SLIT2: variants seen among roughly 807,000 people sequenced by gnomAD.
SLIT2 encodes the protein slit homolog 2 protein.
In SLIT2, 41 loss-of-function variants were observed where a neutral mutation model predicts 185.7. The ratio of observed to expected loss-of-function variants is 0.22; its 90% confidence interval spans 0.17 to 0.29. The LOEUF is 0.29. Among genes scored for constraint, SLIT2 ranks in the 10% least tolerant of loss-of-function variants. The probability of loss-of-function intolerance (pLI) is 1.00; values close to 1 mark genes in which losing one functional copy is unlikely to be tolerated. For synonymous variants in SLIT2, 693 were observed against 680.2 expected (o/e 1.02, Z -0.29); for missense variants, 1,571 against 1,909.0 (o/e 0.82, Z 3.30).
At chr4:20,506,100 C>T (rs74516845) in intron 9 of SLIT2, among the ~76,000 whole-genome samples, 3,020 of 152,036 alleles carry the variant, frequency 0.02, 50 homozygotes, top group East Asian at 0.074. Flanking sequence ...TATATGTAAA[C>T]ACACAAACAC....
chr4:20,472,398 A>C (rs1412939048), intron 5 of SLIT2, among the ~76,000 whole-genome samples: 1 of 54,352 alleles, frequency 1.8e-5, no homozygotes, highest in Non-Finnish European at 3.1e-5. Context: ...AGATATATAG[A>C]TATAGATATC....
At chr4:20,346,435 G>A (rs1711175709) in intron 4 of SLIT2, among the ~76,000 whole-genome samples, 1 of 152,102 alleles carries the variant, frequency 6.6e-6, no homozygotes, top group Admixed American at 6.6e-5. Context: ...ATAACACCTG[G>A]TTATGAACCA....
intron 4 of SLIT2, among the ~76,000 whole-genome samples, chr4:20,435,737 C>G (rs555351497): frequency 1.3e-5 from 2 of 152,104 alleles, no homozygotes; most frequent in African/African-American, 4.8e-5. Flanking sequence ...CTAGCTAGAT[C>G]AGAGCATTCC....
chr4:20,566,910 A>G (rs896089580), intron 26 of SLIT2, among the ~76,000 whole-genome samples: 1 of 152,028 alleles, frequency 6.6e-6, no homozygotes, highest in Admixed American at 6.6e-5. Flanking sequence ...AGGCATGTCC[A>G]TGAAGCAGGA....
At chr4:20,437,638 C>T (rs538499823) in intron 4 of SLIT2, among the ~76,000 whole-genome samples, 1 of 151,560 alleles carries the variant, frequency 6.6e-6, no homozygotes, top group East Asian at 2.0e-4. Flanking sequence ...ACAGGCCGAG[C>T]GTGGTGGCTC....
At chr4:20,366,610 A>G (rs748572848) in intron 4 of SLIT2, among the ~76,000 whole-genome samples, 4 of 152,070 alleles carry the variant, frequency 2.6e-5, no homozygotes, top group Non-Finnish European at 5.9e-5. Flanking sequence ...ACCTGTCATC[A>G]TTCATTGCAT....
chr4:20,448,350 G>A (rs191212092), intron 4 of SLIT2, among the ~76,000 whole-genome samples: 48 of 151,972 alleles, frequency 3.2e-4, no homozygotes, highest in African/African-American at 1.0e-3. Context: ...CACTCAGGCC[G>A]GAGTGCAGTG....
At chr4:20,524,608 G>A (rs1721125490) in intron 14 of SLIT2, among the ~76,000 whole-genome samples, 1 of 152,218 alleles carries the variant, frequency 6.6e-6, no homozygotes, top group Admixed American at 6.5e-5. Flanking sequence ...CAGAAGTACA[G>A]GGGCGCCAGG....
intron 4 of SLIT2, among the ~76,000 whole-genome samples, chr4:20,428,888 G>A (rs1728757064): frequency 6.6e-6 from 1 of 152,208 alleles, no homozygotes; most frequent in Non-Finnish European, 1.5e-5. Flanking sequence ...CTTTAGCCCT[G>A]GTCACTGCAG....
chr4:20,400,473 A>G (rs1261335404), intron 4 of SLIT2, among the ~76,000 whole-genome samples: 3 of 151,846 alleles, frequency 2.0e-5, no homozygotes, highest in African/African-American at 7.2e-5. Context: ...CACAAATGAG[A>G]TAGGAAATAT....
At chr4:20,511,593 T>TTTTTTTTTTTTTTTTTTTA in intron 11 of SLIT2, among the ~76,000 whole-genome samples, 1 of 134,310 alleles carries the variant, frequency 7.4e-6, no homozygotes, top group East Asian at 2.3e-4. Flanking sequence ...GCTAATTTTT[T>TTTTTTTTTTTTTTTTTTTA]TTTTTTTTTT....
chr4:20,563,116 G>A (rs1241434371), intron 26 of SLIT2, among the ~76,000 whole-genome samples: 5 of 151,710 alleles, frequency 3.3e-5, no homozygotes, highest in Non-Finnish European at 7.4e-5. Flanking sequence ...AACTGACAGA[G>A]ACAGATTGTT....
intron 29 of SLIT2, among the ~76,000 whole-genome samples, chr4:20,579,796 T>C (rs1303647155): frequency 1.3e-5 from 2 of 151,722 alleles, no homozygotes; most frequent in Non-Finnish European, 2.9e-5. Context: ...TTGTTAACTC[T>C]CATGGACCAT....
At chr4:20,496,066 A>G (rs1466258540) in intron 9 of SLIT2, among the ~76,000 whole-genome samples, 1 of 152,138 alleles carries the variant, frequency 6.6e-6, no homozygotes, top group African/African-American at 2.4e-5. Context: ...GAGATATTTC[A>G]TTCAATAATT....
chr4:20,426,783 A>G (rs1464348793), intron 4 of SLIT2, among the ~76,000 whole-genome samples: 3 of 152,172 alleles, frequency 2.0e-5, no homozygotes, highest in Non-Finnish European at 2.9e-5. Context: ...AAAAAATACA[A>G]TGATAAGTAG....
In SLIT2 at chr4:20,254,885, G is replaced by C. The variant is rs1560257135; in HGVS notation, c.179+891G>C. The C allele has an allele frequency of 6.6e-6, 3 of 455,782 alleles. No homozygotes were observed. In the Middle Eastern group the frequency reaches 9.8e-4, roughly 148 times the overall value. 28.2% of individuals were successfully genotyped at this position (455,782 alleles called of 1,614,324 possible). A position where few individuals can be genotyped will look rare whatever the true frequency, so the allele number is the denominator to read the frequency against. Reference sequence around the variant, plus strand: ...AGTTCCCCTGCCTTCCCCTCTTCGCGCTCCGTTGCTCGCAGACGTCCCCGC... The same window carrying C: ...AGTTCCCCTGCCTTCCCCTCTTCGCCCTCCGTTGCTCGCAGACGTCCCCGC... On this transcript the variant is annotated intron_variant, in intron 1 of 36. Coordinates refer to ENST00000504154, the MANE Select transcript of SLIT2 (RefSeq NM_004787.4). This position sits in a 1 kb window ranked among gnomAD's most constrained non-coding sequence, Gnocchi z 5.1.
intron 3 of SLIT2, among the ~76,000 whole-genome samples, chr4:20,259,747 AC>A (rs1459243096): frequency 3.3e-5 from 5 of 151,830 alleles, no homozygotes; most frequent in Non-Finnish European, 5.9e-5. Context: ...TTTCTATTCT[AC>A]TAAGACTAAG....
At chr4:20,473,899 T>C (rs1186326532) in intron 5 of SLIT2, among the ~76,000 whole-genome samples, 2 of 152,062 alleles carry the variant, frequency 1.3e-5, no homozygotes, top group East Asian at 3.8e-4. Context: ...AATTGCAAAA[T>C]GTCTTCTTTA....
chr4:20,502,316 G>A (rs928755128), intron 9 of SLIT2, among the ~76,000 whole-genome samples: 2 of 152,200 alleles, frequency 1.3e-5, no homozygotes, highest in Non-Finnish European at 2.9e-5. Context: ...AAGGAATCTA[G>A]TGAGTACTAT....
Sources: gnomAD v4.1 joint callset for allele counts (sites outside exome capture counted in the v4.1 genomes callset) on GRCh38, gnomAD v4.1.1 for gene constraint, Gnocchi (gnomAD v3.1) non-coding constraint, MANE v1.5 for transcripts, NCBI Gene and HGNC (gene_info 2026-07-23, HGNC 2026-07-21) for gene names.